The following SLC34A1 variants were observed in gnomAD, a reference collection of about 807,000 sequenced individuals.
SLC34A1 encodes the protein sodium-dependent phosphate transport protein 2A.
A neutral mutation model predicts 51.4 loss-of-function variants in SLC34A1; 57 were observed. The ratio of observed to expected loss-of-function variants is 1.11; its 90% CI spans 0.90 to 1.38. The LOEUF is 1.38. Among genes scored for constraint, SLC34A1 ranks in the 40% most tolerant of loss-of-function variants. The pLI, the probability that SLC34A1 is intolerant of heterozygous loss-of-function variation, is 0.00. For missense variants in SLC34A1, 796 were observed against 835.6 expected (o/e 0.95, Z 0.58); for synonymous variants, 368 against 358.0 (o/e 1.03, Z -0.32).
At position 177,386,231 on chromosome 5, in the gene SLC34A1, GGTCCCCAAGCTGCGCCAGGCT is replaced by G. The variant is rs876661296; in HGVS notation, c.272_292del (p.Val91_Ala97del). 0.022 allele frequency: 35,494 copies of G among 1,614,122 alleles called. 439 individuals carry two copies. The highest frequency in any genetic ancestry group is 0.026 in the Non-Finnish European group (30,488 of 1,179,978). On this transcript the variant is annotated inframe_deletion, in exon 4 of 13. Coordinates refer to ENST00000324417, the MANE Select transcript of SLC34A1 (RefSeq NM_003052.5). The surrounding 1 kb of genome is among the most constrained non-coding windows in gnomAD (Gnocchi z 4.8). ...GCTTCCCCCATCCAGAGTCCAGGCT[GGTCCCCAAGCTGCGCCAGGCT>G]GGCGCCATGCTGCTCAAGGTGCCAC...
In SLC34A1 at chr5:177,387,704, T is replaced by C. The variant is rs1386908309; in HGVS notation, c.533-58T>C. The C allele has an allele frequency of 2.2e-6, 3 of 1,393,592 alleles. No individual in the cohort carries two copies. The African/African-American group carries it at 4.3e-5, about 20-fold the overall frequency. 86.3% of individuals were successfully genotyped at this position (1,393,592 alleles called of 1,614,324 possible). ...TGGGTGGGGGGCCTGACAGGAGTTG[T>C]GGTGGTGCAGGAGCTGGGTGACCGT... On this transcript the variant is annotated intron_variant, in intron 5 of 12. Transcript: ENST00000324417.
chr5:177,396,435 C>T lies in SLC34A1; in HGVS notation c.1175-298C>T, dbSNP rs1476234744. ...CTCCCAGTGCCCCCGCGGAGATCCG[C>T]TCTCCCAGTGCCCCCGCGGAGGTCC... On this transcript the variant is annotated intron_variant, in intron 10 of 12. Coordinates refer to ENST00000324417, the MANE Select transcript of SLC34A1 (RefSeq NM_003052.5). The surrounding 1 kb of genome is among the most constrained non-coding windows in gnomAD (Gnocchi z 4.0). 6.6e-6 allele frequency among the ~76,000 whole-genome samples: 1 copy of T among 151,076 alleles called. No individual in the cohort carries two copies. The highest frequency in any genetic ancestry group is 1.5e-5 in the Non-Finnish European group (1 of 67,586).
intron 1 of SLC34A1, 129 bp from the exon 2 acceptor site, chr5:177,385,566 G>T (rs1033310549): frequency 1.5e-6 from 1 of 659,204 alleles, no homozygotes; most frequent in Non-Finnish European, 2.8e-6. Flanking sequence ...GTCTCGGAGG[G>T]GTGTGTGTGT....
intron 8 of SLC34A1, among the ~76,000 whole-genome samples, chr5:177,391,781 C>T (rs896427385): frequency 3.3e-5 from 5 of 152,234 alleles, no homozygotes; most frequent in East Asian, 1.9e-4. Context: ...CTGTGATGAG[C>T]GCTTTAAACA....
intron 8 of SLC34A1, 129 bp from the exon 9 acceptor site, chr5:177,393,565 A>C: frequency 2.4e-6 from 2 of 847,202 alleles, no homozygotes; most frequent in East Asian, 2.6e-5. Flanking sequence ...AGAGAGGGCA[A>C]GAGACCCATC....
intron 1 of SLC34A1, among the ~76,000 whole-genome samples, chr5:177,385,027 G>T (rs189669720): frequency 5.7e-4 from 87 of 152,318 alleles, no homozygotes; most frequent in African/African-American, 2.0e-3. Context: ...GACAAGGGGG[G>T]GCTGAGGCAA....
chr5:177,391,805 A>C (rs1201454775), intron 8 of SLC34A1, among the ~76,000 whole-genome samples: 5 of 152,164 alleles, frequency 3.3e-5, no homozygotes, highest in African/African-American at 4.8e-5. Context: ...TCCCCCTGTA[A>C]CCTTTACAGC....
intron 8 of SLC34A1, among the ~76,000 whole-genome samples, chr5:177,392,315 T>C (rs1762833293): frequency 6.6e-6 from 1 of 151,936 alleles, no homozygotes; most frequent in South Asian, 2.1e-4. Context: ...TACAAAAAAT[T>C]AGCTGGGCGT....
intron 8 of SLC34A1, chr5:177,389,577 T>A (rs1762729579): frequency 6.5e-7 from 1 of 1,534,976 alleles, no homozygotes; most frequent in South Asian, 1.2e-5. Flanking sequence ...AACCACTTTC[T>A]CACGAGCTCT....
rs767303562 is a variant in SLC34A1, at chr5:177,386,186, C to T, written c.260-35C>T. ...AGGCGGCAGCAGTCCCTGCCCTGGC[C>T]TCTGCCCACTATGCTCATGGCTTCC... On this transcript the variant is annotated intron_variant, in intron 3 of 12. Coordinates refer to ENST00000324417, the MANE Select transcript of SLC34A1 (RefSeq NM_003052.5). The surrounding 1 kb of genome is among the most constrained non-coding windows in gnomAD (Gnocchi z 4.8). The T allele has an allele frequency of 3.7e-6, 6 of 1,614,110 alleles. No individual in the cohort carries two copies. In the South Asian group the frequency reaches 5.5e-5, roughly 15 times the overall value.
rs377186926 is a variant in SLC34A1, at chr5:177,386,121, G to A, written c.244G>A (p.Glu82Lys). ...ACTGCCTGCCAAGCTGGCCCTGGAGGAGGAGCAGAAGCCAGGTGGGCCTGG... is the reference window on the plus strand; with the variant it reads ...ACTGCCTGCCAAGCTGGCCCTGGAGAAGGAGCAGAAGCCAGGTGGGCCTGG... ...EPLPAKLALE[E>K]EQKPESRLVP... Residue 82 changes from glutamate (E) to lysine (K), a missense_variant, in exon 3 of 13, where the codon GAG becomes AAG. Glu to Lys is a moderately conservative substitution (Grantham distance 56, BLOSUM62 1). Transcript: ENST00000324417. This position sits in a 1 kb window ranked among gnomAD's most constrained non-coding sequence, Gnocchi z 4.8. 1.2e-6 allele frequency: 2 copies of A among 1,613,626 alleles called. No homozygotes were observed. Among genetic ancestry groups the A allele is most frequent in the South Asian group, 1.1e-5 (1 of 91,052 alleles).
intron 8 of SLC34A1, chr5:177,389,990 T>C: frequency 1.5e-6 from 2 of 1,366,520 alleles, no homozygotes; most frequent in Non-Finnish European, 1.9e-6. Flanking sequence ...CTCACTTTCA[T>C]CCCCTTTCTG....
At chr5:177,389,623 CCT>C (rs1325642405) in intron 8 of SLC34A1, 2 of 1,537,126 alleles carry the variant, frequency 1.3e-6, no homozygotes, top group African/African-American at 2.7e-5. Context: ...TCACCACAAG[CCT>C]CTCTACTTCA....
rs1198188568 is a variant in SLC34A1 at position 177,388,213 on chromosome 5, G to T, written c.840+24G>T. 1.2e-6 allele frequency: 2 copies of T among 1,614,002 alleles called. No homozygotes were observed. The highest frequency in any genetic ancestry group is 1.7e-6 in the Non-Finnish European group (2 of 1,179,974). On this transcript the variant is annotated intron_variant, in intron 7 of 12. Coordinates refer to ENST00000324417, the MANE Select transcript of SLC34A1 (RefSeq NM_003052.5). The surrounding 1 kb of genome is among the most constrained non-coding windows in gnomAD (Gnocchi z 4.3). ...AGGTGACAGCAGGGCCTGGCATGGG[G>T]TGAGGGTGGGGGTAACAAGGGACCC...
At position 177,397,088 on chromosome 5, in the gene SLC34A1, G is replaced by A. The variant is rs756779025; in HGVS notation, c.1416+14G>A. ...AGCGCTTTCCAGGTGCGCTGGGAGT[G>A]TAGCCTCGCCTGGGGCAGGATGGAG... On this transcript the variant is annotated intron_variant, in intron 12 of 12. Transcript: ENST00000324417. 1 of 1,611,444 alleles carries A rather than the reference G, an allele frequency of 6.2e-7. No individual in the cohort carries two copies. Among genetic ancestry groups the A allele is most frequent in the South Asian group, 1.1e-5 (1 of 90,898 alleles).
intron 8 of SLC34A1, among the ~76,000 whole-genome samples, chr5:177,392,569 A>C (rs985563831): frequency 6.6e-6 from 1 of 152,222 alleles, no homozygotes; most frequent in Non-Finnish European, 1.5e-5. Context: ...ATTGAATTGT[A>C]AAAGATAACT....
chr5:177,390,012 C>T (rs1762748876), intron 8 of SLC34A1: 2 of 1,320,478 alleles, frequency 1.5e-6, no homozygotes, highest in Non-Finnish European at 1.9e-6. Context: ...GACAGCGCCC[C>T]GAAGGAGTGT....
Position 177,386,087 on chromosome 5 carries a change from C to A in SLC34A1, c.210C>A (p.Arg70=). Residue 70 remains arginine, a synonymous_variant, in exon 3 of 13, where the codon CGC becomes CGA. Transcript: ENST00000324417. The surrounding 1 kb of genome is among the most constrained non-coding windows in gnomAD (Gnocchi z 4.8). ...GCCCCTGTGGGGAGGTCCTGGAGCG[C>A]CATGAACCACTGCCTGCCAAGCTGG... ...HTCPCGEVLE[R]HEPLPAKLAL... The A allele has an allele frequency of 6.2e-7, 1 of 1,613,126 alleles. No homozygotes were observed. The highest frequency in any genetic ancestry group is 8.5e-7 in the Non-Finnish European group (1 of 1,179,506).
rs745850815 is a variant in SLC34A1 at position 177,388,404 on chromosome 5, A to T, written c.936+32A>T. The T allele has an allele frequency of 6.6e-7, 1 of 1,526,700 alleles. No homozygotes were observed. The highest frequency in any genetic ancestry group is 1.7e-5 in the Admixed American group (1 of 59,882). The allele number at this position is 1,526,700 out of a possible 1,614,324, so 94.6% of individuals were successfully genotyped here. The stretch of plus-strand genomic sequence containing the variant: ...CCCAGGCCTAACCCCAGGTAAGAGG[A>T]CTCCCTCTTCAGACTCTTGGTTTCA... On this transcript the variant is annotated intron_variant, in intron 8 of 12. Coordinates refer to ENST00000324417, the MANE Select transcript of SLC34A1 (RefSeq NM_003052.5). The surrounding 1 kb of genome is among the most constrained non-coding windows in gnomAD (Gnocchi z 4.3).
Sources: allele counts gnomAD v4.1 joint callset (sites outside exome capture counted in the v4.1 genomes callset), GRCh38; gene constraint gnomAD v4.1.1; non-coding constraint Gnocchi (gnomAD v3.1); transcripts MANE v1.5; gene names NCBI Gene and HGNC (gene_info 2026-07-23, HGNC 2026-07-21).